RANBP9: variants seen among roughly 807,000 people sequenced by gnomAD.
RANBP9 encodes RAN binding protein 9.
Under a neutral mutation model 84.3 loss-of-function variants are expected in RANBP9, and 15 were observed. The observed-to-expected ratio is 0.18, with a 90% confidence interval of 0.12 to 0.27. The LOEUF (loss-of-function observed/expected upper bound fraction) is 0.27, where lower values mean the gene tolerates loss of function less well. RANBP9 is among the 10% of genes least tolerant of loss of function. The pLI is 1.00. For missense variants in RANBP9, 809 were observed against 912.8 expected (o/e 0.89, Z 1.46); for synonymous variants, 392 against 349.6 (o/e 1.12, Z -1.35).
chr6:13,638,080 A>G, intron 9 of RANBP9, 125 bp from the exon 10 acceptor site: 3 of 782,446 alleles, frequency 3.8e-6, no homozygotes, highest in South Asian at 4.9e-5. Context: ...TGGATGATGT[A>G]AACAGGTAAC....
chr6:13,676,547 A>T (rs1352891949), intron 2 of RANBP9, among the ~76,000 whole-genome samples: 1 of 152,162 alleles, frequency 6.6e-6, no homozygotes, highest in African/African-American at 2.4e-5. Flanking sequence ...AGATGCAAAT[A>T]TCCTCAATAA....
intron 1 of RANBP9, among the ~76,000 whole-genome samples, chr6:13,707,130 C>A (rs964354440): frequency 3.3e-5 from 5 of 152,010 alleles, no homozygotes; most frequent in African/African-American, 9.7e-5. Flanking sequence ...CTCAACCAAT[C>A]CTCCTCCCTC....
chr6:13,659,242 CCACACA>C (rs1340419495), intron 2 of RANBP9, among the ~76,000 whole-genome samples: 1 of 105,764 alleles, frequency 9.5e-6, no homozygotes, highest in African/African-American at 3.2e-5. Flanking sequence ...AATTTAGACC[CCACACA>C]CACACACATA....
At chr6:13,683,283 A>T (rs1325411504) in intron 2 of RANBP9, among the ~76,000 whole-genome samples, 1 of 152,248 alleles carries the variant, frequency 6.6e-6, no homozygotes, top group Non-Finnish European at 1.5e-5. Context: ...GCAAAGAGCA[A>T]GAATTCAATA....
chr6:13,660,046 G>T (rs1765505557), intron 2 of RANBP9, among the ~76,000 whole-genome samples: 1 of 152,200 alleles, frequency 6.6e-6, no homozygotes, highest in Admixed American at 6.5e-5. Flanking sequence ...GTGACTACAT[G>T]TAAGAGGAAC....
At chr6:13,689,004 A>AAAAAAAAAAAATG (rs374538732) in intron 2 of RANBP9, among the ~76,000 whole-genome samples, 1 of 108,996 alleles carries the variant, frequency 9.2e-6, no homozygotes, top group African/African-American at 3.6e-5. Flanking sequence ...AAAAAAAAAA[A>AAAAAAAAAAAATG]TGCTGGGCAT....
At chr6:13,649,395 T>C (rs1765243396) in intron 5 of RANBP9, among the ~76,000 whole-genome samples, 1 of 147,096 alleles carries the variant, frequency 6.8e-6, no homozygotes, top group African/African-American at 2.5e-5. Flanking sequence ...CCGCTATCTA[T>C]GAACAAGAAA....
At chr6:13,643,365 CCAAA>C (rs1367222586) in intron 6 of RANBP9, among the ~76,000 whole-genome samples, 20 of 152,142 alleles carry the variant, frequency 1.3e-4, no homozygotes, top group African/African-American at 3.1e-4. Context: ...TCTGTTATCT[CCAAA>C]CAGTCAATTT....
intron 1 of RANBP9, among the ~76,000 whole-genome samples, chr6:13,697,887 C>T (rs1757878765): frequency 1.3e-5 from 2 of 152,160 alleles, no homozygotes; most frequent in Admixed American, 1.3e-4. Flanking sequence ...ATACAAACTT[C>T]GCATTAATCT....
intron 2 of RANBP9, among the ~76,000 whole-genome samples, chr6:13,689,004 A>AAAAAAAAAAAAAAAAAG (rs374538732): frequency 4.6e-5 from 5 of 108,998 alleles, no homozygotes; most frequent in African/African-American, 7.2e-5. Context: ...AAAAAAAAAA[A>AAAAAAAAAAAAAAAAAG]TGCTGGGCAT....
chr6:13,702,426 T>C (rs1197130930), intron 1 of RANBP9, among the ~76,000 whole-genome samples: 1 of 152,170 alleles, frequency 6.6e-6, no homozygotes, highest in African/African-American at 2.4e-5. Context: ...AATAACCAGG[T>C]AGGCTAATCA....
chr6:13,680,749 C>A (rs1409697955), intron 2 of RANBP9, among the ~76,000 whole-genome samples: 37 of 147,848 alleles, frequency 2.5e-4, no homozygotes, highest in African/African-American at 9.0e-4. Flanking sequence ...AAGTGAGAGT[C>A]TGTCTCGGAA....
At chr6:13,667,177 A>G (rs1584932115) in intron 2 of RANBP9, among the ~76,000 whole-genome samples, 1 of 152,230 alleles carries the variant, frequency 6.6e-6, no homozygotes, top group East Asian at 1.9e-4. Flanking sequence ...CAGTTATGTA[A>G]GTAATGTTTG....
intron 8 of RANBP9, among the ~76,000 whole-genome samples, chr6:13,640,330 G>A (rs981683034): frequency 2.0e-5 from 3 of 151,938 alleles, no homozygotes; most frequent in Non-Finnish European, 2.9e-5. Context: ...AATTAAAATT[G>A]TCAAATCAGG....
chr6:13,632,307 T>C, intron 12 of RANBP9, 63 bp downstream of exon 12: 1 of 1,535,704 alleles, frequency 6.5e-7, no homozygotes, highest in Non-Finnish European at 8.9e-7. Context: ...GCTCAGTGTT[T>C]CACAAAACTA....
chr6:13,634,632 T>C lies in RANBP9; in HGVS notation c.1674-80A>G, dbSNP rs1764890389. ...TAAAATAAATCACTACTGAACTACA[T>C]AGCCTACGAATAAACTAATTTCATA... On this transcript the variant is annotated intron_variant, in intron 10 of 13. Transcript: ENST00000011619. 4.7e-6 allele frequency: 6 copies of C among 1,270,544 alleles called. No homozygotes were observed. The Admixed American group carries it at 1.0e-4, about 22-fold the overall frequency. 78.7% of individuals were successfully genotyped at this position (1,270,544 alleles called of 1,614,324 possible). A position where few individuals can be genotyped will look rare whatever the true frequency, so the allele number is the denominator to read the frequency against.
chr6:13,683,244 T>A (rs535967850), intron 2 of RANBP9, among the ~76,000 whole-genome samples: 125 of 152,360 alleles, frequency 8.2e-4, no homozygotes, highest in Admixed American at 1.6e-3. Flanking sequence ...TCTTGGAATG[T>A]TAATCAACCT....
At chr6:13,707,098 A>G (rs139403344) in intron 1 of RANBP9, among the ~76,000 whole-genome samples, 7 of 151,506 alleles carry the variant, frequency 4.6e-5, no homozygotes, top group African/African-American at 1.7e-4. Flanking sequence ...ATCATAGCTC[A>G]CTGAAGCCTC....
At chr6:13,676,563 T>C (rs2113319024) in intron 2 of RANBP9, among the ~76,000 whole-genome samples, 1 of 152,124 alleles carries the variant, frequency 6.6e-6, no homozygotes, top group South Asian at 2.1e-4. Context: ...AATAAAGTAT[T>C]AGCAAATCAA....
Sources: gnomAD v4.1 joint callset for allele counts (sites outside exome capture counted in the v4.1 genomes callset) on GRCh38, gnomAD v4.1.1 for gene constraint, MANE v1.5 for transcripts, NCBI Gene and HGNC (gene_info 2026-07-23, HGNC 2026-07-21) for gene names.